Variants in CDH13 observed in about 807,000 individuals in gnomAD.
CDH13 encodes cadherin 13.
Under a neutral mutation model 63.8 loss-of-function variants are expected in CDH13, and 24 were observed. The ratio of observed to expected loss-of-function variants is 0.38; its 90% CI spans 0.27 to 0.53. CDH13 has a LOEUF of 0.53. Among genes scored for constraint, CDH13 ranks in the 20% least tolerant of loss-of-function variants. The pLI is 0.85. For synonymous variants in CDH13, 503 were observed against 355.3 expected, an observed-to-expected ratio of 1.42 and a Z score of -4.67; for missense variants, 1,049 against 903.1, an observed-to-expected ratio of 1.16 and a Z score of -2.07.
chr16:82,977,224 C>G (rs781686333), intron 2 of CDH13, among the ~76,000 whole-genome samples: 7 of 152,142 alleles, frequency 4.6e-5, no homozygotes, highest in Non-Finnish European at 5.9e-5. Context: ...GACCCAGTGT[C>G]CTTTGTGGGC....
chr16:83,629,241 A>G lies in CDH13; in HGVS notation c.1101+26647A>G, dbSNP rs1329907066. Among the ~76,000 whole-genome samples the G allele has an allele frequency of 2.0e-5, 3 of 152,386 alleles. No homozygotes were observed. The East Asian group carries it at 5.8e-4, about 29-fold the overall frequency. On this transcript the variant is annotated intron_variant, in intron 8 of 13. Coordinates refer to ENST00000567109, the MANE Select transcript of CDH13 (RefSeq NM_001257.5). ...TTACCTAAATAGAGATTGCCCAAAG[A>G]AGTTTTGCTGGCTTCTGAAAACTTT...
intron 5 of CDH13, among the ~76,000 whole-genome samples, chr16:83,344,023 G>T (rs1294453506): frequency 6.6e-6 from 1 of 152,216 alleles, no homozygotes; most frequent in Non-Finnish European, 1.5e-5. Flanking sequence ...AGATAGGAAA[G>T]AGTTGTACTA....
At chr16:83,413,531 C>G (rs142202814) in intron 6 of CDH13, among the ~76,000 whole-genome samples, 3,746 of 152,274 alleles carry the variant, frequency 0.025, 62 homozygotes, top group Middle Eastern at 0.044. Flanking sequence ...TGTTCCCCAA[C>G]TAGAGATCGG....
chr16:83,143,178 G>A (rs558389114), intron 4 of CDH13, among the ~76,000 whole-genome samples: 1 of 152,074 alleles, frequency 6.6e-6, no homozygotes, highest in African/African-American at 2.4e-5. Context: ...AGAACGAATG[G>A]TATTAATTTT....
chr16:83,660,488 G>C (rs1477586122), intron 8 of CDH13, among the ~76,000 whole-genome samples: 1 of 152,146 alleles, frequency 6.6e-6, no homozygotes, highest in Non-Finnish European at 1.5e-5. Flanking sequence ...GCAATGGGGA[G>C]CAGCCGTAAA....
At chr16:83,142,394 T>G (rs551077039) in intron 4 of CDH13, among the ~76,000 whole-genome samples, 1 of 152,156 alleles carries the variant, frequency 6.6e-6, no homozygotes, top group Admixed American at 6.5e-5. Context: ...ATTTCTGTCC[T>G]CAGGACCCAC....
intron 1 of CDH13, among the ~76,000 whole-genome samples, chr16:82,674,744 C>T (rs1913699503): frequency 6.6e-6 from 1 of 151,990 alleles, no homozygotes; most frequent in African/African-American, 2.4e-5. Flanking sequence ...GGTGGGGGCA[C>T]ACTGGAAAGA....
chr16:82,817,853 G>T (rs190286809), intron 1 of CDH13, among the ~76,000 whole-genome samples: 1 of 152,130 alleles, frequency 6.6e-6, no homozygotes, highest in Middle Eastern at 3.4e-3. Flanking sequence ...AAGCATGCAC[G>T]CATGCATGAA....
At chr16:83,374,729 TC>T (rs1385478248) in intron 6 of CDH13, among the ~76,000 whole-genome samples, 1 of 152,204 alleles carries the variant, frequency 6.6e-6, no homozygotes, top group Non-Finnish European at 1.5e-5. Flanking sequence ...CTGGATGTTT[TC>T]CACACACCTG....
In CDH13 at chr16:83,275,822, G is replaced by A. The variant is rs144586660; in HGVS notation, c.636+58325G>A. On this transcript the variant is annotated intron_variant, in intron 5 of 13. Transcript: ENST00000567109. ...CCGGATGCCGGGCACAGTGGGTAGC[G>A]GTGCAGGGAAGGAAAGAGGGGTGAG... Among the ~76,000 whole-genome samples the A allele has an allele frequency of 4.3e-3, 649 of 152,202 alleles. 4 individuals are homozygous for A. The highest frequency in any genetic ancestry group is 0.014 in the African/African-American group (602 of 41,530).
chr16:83,090,511 T>G (rs1161151635), intron 3 of CDH13, among the ~76,000 whole-genome samples: 2 of 150,154 alleles, frequency 1.3e-5, no homozygotes, highest in African/African-American at 4.9e-5. Context: ...GAGGCAGAGG[T>G]TGCAGTGAGT....
chr16:83,408,816 A>G (rs1337940755), intron 6 of CDH13, among the ~76,000 whole-genome samples: 1 of 152,180 alleles, frequency 6.6e-6, no homozygotes, highest in African/African-American at 2.4e-5. Context: ...ATAAACCTAT[A>G]TATCCCCACT....
intron 2 of CDH13, among the ~76,000 whole-genome samples, chr16:82,877,914 C>A (rs563187102): frequency 7.7e-6 from 1 of 129,116 alleles, no homozygotes; most frequent in African/African-American, 2.9e-5. Flanking sequence ...GAAATACATA[C>A]ATACACATAG....
At chr16:82,695,334 G>C (rs1257758557) in intron 1 of CDH13, among the ~76,000 whole-genome samples, 1 of 152,212 alleles carries the variant, frequency 6.6e-6, no homozygotes, top group Admixed American at 6.5e-5. Flanking sequence ...ATACCAATTT[G>C]CTTCTAATTC....
intron 5 of CDH13, among the ~76,000 whole-genome samples, chr16:83,232,671 C>T (rs1434352109): frequency 2.6e-5 from 4 of 152,142 alleles, no homozygotes; most frequent in African/African-American, 4.8e-5. Context: ...CCTGAGTCCT[C>T]CCCAGAAGCT....
intron 2 of CDH13, among the ~76,000 whole-genome samples, chr16:82,891,611 C>A (rs1002278838): frequency 6.6e-6 from 1 of 152,094 alleles, no homozygotes; most frequent in Non-Finnish European, 1.5e-5. Context: ...AATACCATCC[C>A]AGTAGAAGTA....
intron 3 of CDH13, among the ~76,000 whole-genome samples, chr16:83,056,269 C>A: frequency 6.6e-6 from 1 of 152,166 alleles, no homozygotes; most frequent in East Asian, 1.9e-4. Flanking sequence ...TAAAGCTGAA[C>A]ATTCTTGACC....
chr16:83,490,070 C>G (rs928600450), intron 7 of CDH13, among the ~76,000 whole-genome samples: 1 of 151,962 alleles, frequency 6.6e-6, no homozygotes, highest in Non-Finnish European at 1.5e-5. Flanking sequence ...ACCTCTGGCT[C>G]TCACCTGAAT....
At chr16:82,670,385 C>T (rs1913097272) in intron 1 of CDH13, among the ~76,000 whole-genome samples, 1 of 152,214 alleles carries the variant, frequency 6.6e-6, no homozygotes, top group South Asian at 2.1e-4. Flanking sequence ...ACTGATTTCT[C>T]CTTCACGCAC....
Sources: gnomAD v4.1 joint callset for allele counts (sites outside exome capture counted in the v4.1 genomes callset) on GRCh38, gnomAD v4.1.1 for gene constraint, MANE v1.5 for transcripts, NCBI Gene and HGNC (gene_info 2026-07-23, HGNC 2026-07-21) for gene names.